The following RUNX1 variants were observed in gnomAD, a reference collection of about 807,000 sequenced individuals.
RUNX1 encodes runt-related transcription factor 1.
RUNX1 carries 19 observed loss-of-function variants against 42.8 expected under a neutral mutation model. The ratio of observed to expected loss-of-function variants is 0.44; its 90% CI spans 0.31 to 0.65. The LOEUF is 0.65. Among genes scored for constraint, RUNX1 ranks in the 30% least tolerant of loss-of-function variants. The pLI, the probability that RUNX1 is intolerant of heterozygous loss-of-function variation, is 0.07. For synonymous variants in RUNX1, 271 were observed against 289.4 expected (o/e 0.94, Z 0.64); for missense variants, 528 against 672.0 (o/e 0.79, Z 2.37).
chr21:34,944,524 T>C (rs1448956810), intron 2 of RUNX1, among the ~76,000 whole-genome samples: 1 of 152,232 alleles, frequency 6.6e-6, no homozygotes, highest in Non-Finnish European at 1.5e-5. Context: ...TGGTTAAATA[T>C]TGTATTGCTT....
At chr21:34,830,900 A>C (rs1212514195) in intron 7 of RUNX1, among the ~76,000 whole-genome samples, 1 of 152,178 alleles carries the variant, frequency 6.6e-6, no homozygotes. Flanking sequence ...TCTAGGTTTC[A>C]GTTTTCTGTA....
At chr21:34,890,260 G>A (rs765161316) in intron 3 of RUNX1, among the ~76,000 whole-genome samples, 2 of 152,032 alleles carry the variant, frequency 1.3e-5, no homozygotes, top group Non-Finnish European at 1.5e-5. Context: ...CGGAGCTCCC[G>A]GAACGCCCCC....
intron 2 of RUNX1, among the ~76,000 whole-genome samples, chr21:34,986,160 C>T (rs1601637787): frequency 1.3e-5 from 2 of 152,092 alleles, no homozygotes; most frequent in East Asian, 1.9e-4. Context: ...TGAACCATTG[C>T]ACCCAGCCCA....
At chr21:34,861,702 C>T (rs976959461) in intron 5 of RUNX1, among the ~76,000 whole-genome samples, 2 of 152,188 alleles carry the variant, frequency 1.3e-5, no homozygotes, top group Non-Finnish European at 2.9e-5. Context: ...CCTCCAGCCA[C>T]TTCGCCAATC....
chr21:34,814,573 G>A (rs758404487), intron 7 of RUNX1, among the ~76,000 whole-genome samples: 4 of 152,290 alleles, frequency 2.6e-5, no homozygotes, highest in East Asian at 1.9e-4. Context: ...CTCCAGTCTC[G>A]CAAGCTTTGG....
At chr21:34,884,096 A>G (rs965175789) in intron 4 of RUNX1, among the ~76,000 whole-genome samples, 16 of 152,344 alleles carry the variant, frequency 1.1e-4, no homozygotes, top group Non-Finnish European at 2.1e-4. Context: ...TAAGTCATCA[A>G]AACAGCTTTT....
intron 2 of RUNX1, among the ~76,000 whole-genome samples, chr21:35,031,576 T>C (rs2059273562): frequency 6.6e-6 from 1 of 152,226 alleles, no homozygotes; most frequent in African/African-American, 2.4e-5. Flanking sequence ...GTCATGTTCA[T>C]AGTGGTACTA....
rs188813629 is a variant in RUNX1, at chr21:35,049,022, T to C, written c.-59-64A>G. The C allele has an allele frequency of 1.2e-4, 99 of 825,278 alleles. No homozygotes were observed. In the East Asian group the frequency reaches 2.2e-3, roughly 18 times the overall value. 51.1% of individuals were successfully genotyped at this position (825,278 alleles called of 1,614,324 possible). The stretch of plus-strand genomic sequence containing the variant: ...TCACCCCTCTAGCCCTACATCTCTC[T>C]TTCTTCTCCCCTCTGCTGGATACCT... On this transcript the variant is annotated intron_variant, in intron 1 of 8. Coordinates refer to ENST00000675419, the MANE Select transcript of RUNX1 (RefSeq NM_001754.5).
intron 2 of RUNX1, among the ~76,000 whole-genome samples, chr21:34,896,543 C>T (rs1190166613): frequency 6.6e-6 from 1 of 152,106 alleles, no homozygotes; most frequent in Non-Finnish European, 1.5e-5. Context: ...ATTAGCCAGA[C>T]ATGGTGGTGG....
chr21:34,826,848 A>C (rs2056995585), intron 7 of RUNX1, among the ~76,000 whole-genome samples: 1 of 152,238 alleles, frequency 6.6e-6, no homozygotes, highest in African/African-American at 2.4e-5. Flanking sequence ...TACTACAACA[A>C]ATACCTGAAA....
chr21:34,969,985 C>T (rs1183554232), intron 2 of RUNX1, among the ~76,000 whole-genome samples: 6 of 152,192 alleles, frequency 3.9e-5, no homozygotes, highest in East Asian at 1.9e-4. Flanking sequence ...CCATGTGCAG[C>T]CTCCATAGAT....
chr21:34,893,388 C>T (rs1343227127), intron 2 of RUNX1, among the ~76,000 whole-genome samples: 1 of 152,162 alleles, frequency 6.6e-6, no homozygotes, highest in Non-Finnish European at 1.5e-5. Context: ...ATTTTAGAAA[C>T]ATTTTCCCCT....
intron 2 of RUNX1, among the ~76,000 whole-genome samples, chr21:35,047,552 C>CAT: frequency 9.1e-6 from 1 of 110,216 alleles, no homozygotes; most frequent in Non-Finnish European, 1.8e-5. Context: ...CACACACACA[C>CAT]ACACACACAC....
At chr21:34,946,859 A>G (rs2058566801) in intron 2 of RUNX1, among the ~76,000 whole-genome samples, 1 of 152,200 alleles carries the variant, frequency 6.6e-6, no homozygotes, top group Non-Finnish European at 1.5e-5. Context: ...TGTAGGCATC[A>G]CATGTCGCTG....
At chr21:34,903,819 A>C (rs560922094) in intron 2 of RUNX1, among the ~76,000 whole-genome samples, 4 of 152,354 alleles carry the variant, frequency 2.6e-5, no homozygotes, top group South Asian at 2.1e-4. Flanking sequence ...TTGTGGGGTC[A>C]TGAAATTGCC....
At chr21:34,983,847 G>A (rs954552760) in intron 2 of RUNX1, among the ~76,000 whole-genome samples, 3 of 152,212 alleles carry the variant, frequency 2.0e-5, no homozygotes, top group African/African-American at 7.2e-5. Flanking sequence ...GTGGTTTGGT[G>A]TGGGGGTGGA....
At chr21:34,816,576 A>G (rs908011900) in intron 7 of RUNX1, among the ~76,000 whole-genome samples, 4 of 152,140 alleles carry the variant, frequency 2.6e-5, no homozygotes, top group African/African-American at 9.7e-5. Flanking sequence ...ACAGAGACCA[A>G]CAGATCAGTC....
chr21:34,956,878 G>A (rs2058648126), intron 2 of RUNX1, among the ~76,000 whole-genome samples: 2 of 152,162 alleles, frequency 1.3e-5, no homozygotes, highest in African/African-American at 4.8e-5. Context: ...CCATTTGTGA[G>A]GTAAACTAAC....
intron 2 of RUNX1, among the ~76,000 whole-genome samples, chr21:34,958,173 G>A (rs1471341524): frequency 3.9e-5 from 6 of 152,266 alleles, no homozygotes; most frequent in Middle Eastern, 3.4e-3. Flanking sequence ...GCCCATTACT[G>A]AGCAAGTAGA....
Sources: allele counts gnomAD v4.1 joint callset (sites outside exome capture counted in the v4.1 genomes callset), GRCh38; gene constraint gnomAD v4.1.1; transcripts MANE v1.5; gene names NCBI Gene and HGNC (gene_info 2026-07-23, HGNC 2026-07-21).